The following CSMD1 variants were observed in gnomAD, a reference collection of about 807,000 sequenced individuals.
CSMD1 encodes the protein CUB and sushi domain-containing protein 1.
A neutral mutation model predicts 417.5 loss-of-function variants in CSMD1; 213 were observed. The ratio of observed to expected loss-of-function variants is 0.51; its 90% CI spans 0.46 to 0.57. CSMD1 has a LOEUF of 0.57. CSMD1 is among the 20% of genes least tolerant of loss of function. The probability of loss-of-function intolerance (pLI) is 0.00; values close to 1 mark genes in which losing one functional copy is unlikely to be tolerated. For missense variants in CSMD1, 6,923 were observed against 4,529.7 expected (o/e 1.53, Z -15.17); for synonymous variants, 2,862 against 1,736.8 (o/e 1.65, Z -16.11).
chr8:4,066,013 T>C (rs988453827), intron 3 of CSMD1, among the ~76,000 whole-genome samples: 2 of 152,082 alleles, frequency 1.3e-5, no homozygotes, highest in African/African-American at 4.8e-5. Context: ...TCCACGAATA[T>C]CCTTGGAGGA....
chr8:3,377,636 C>T (rs940852669), intron 18 of CSMD1, among the ~76,000 whole-genome samples: 4 of 152,146 alleles, frequency 2.6e-5, no homozygotes, highest in Non-Finnish European at 4.4e-5. Context: ...ACCTACTTTG[C>T]TAAACCTCCA....
chr8:3,863,321 C>T (rs1463807426), intron 5 of CSMD1, among the ~76,000 whole-genome samples: 2 of 149,546 alleles, frequency 1.3e-5, no homozygotes, highest in Admixed American at 1.4e-4. Flanking sequence ...CGCTTGAACC[C>T]AGGAGATGGT....
rs1554548370 is a variant in CSMD1, at chr8:3,425,602, A to AG, written c.1562-15998_1562-15997insC. The stretch of plus-strand genomic sequence containing the variant: ...GATTCGGTCTCAAAAAAAAAAAAAA[A>AG]AAGAAGAAAGAAAAAAGGAAAAAAA... On this transcript the variant is annotated intron_variant, in intron 12 of 69. Coordinates refer to ENST00000635120, the MANE Select transcript of CSMD1 (RefSeq NM_033225.6). Among the ~76,000 whole-genome samples, 14 of 150,880 alleles carry AG rather than the reference A, an allele frequency of 9.3e-5. No homozygotes were observed. In the East Asian group the frequency reaches 1.2e-3, roughly 13 times the overall value.
At chr8:3,950,650 G>C (rs545675245) in intron 5 of CSMD1, among the ~76,000 whole-genome samples, 9 of 152,258 alleles carry the variant, frequency 5.9e-5, no homozygotes, top group East Asian at 3.9e-4. Context: ...CTTCATGATG[G>C]TTAAAAAGTT....
At chr8:3,833,812 A>T (rs776437729) in intron 5 of CSMD1, among the ~76,000 whole-genome samples, 41 of 152,254 alleles carry the variant, frequency 2.7e-4, no homozygotes, top group Non-Finnish European at 7.4e-5. Flanking sequence ...ATTAAAGATA[A>T]AACAAAATGG....
chr8:4,332,427 G>C (rs1028409370), intron 3 of CSMD1, among the ~76,000 whole-genome samples: 57 of 152,038 alleles, frequency 3.7e-4, no homozygotes, highest in African/African-American at 1.2e-3. Context: ...AGGCACCTGT[G>C]AGTAAGCACT....
Position 3,308,451 on chromosome 8 carries a change from C to G in CSMD1, c.3684G>C (p.Arg1228Ser), listed in dbSNP as rs765426907. 1 of 1,613,728 alleles carries G rather than the reference C, an allele frequency of 6.2e-7. No individual in the cohort carries two copies. The highest frequency in any genetic ancestry group is 8.5e-7 in the Non-Finnish European group (1 of 1,179,786). Residue 1228 changes from arginine (R) to serine (S), a missense_variant, in exon 24 of 70, where the codon AGG becomes AGC. Physicochemically the swap from Arg to Ser is moderately radical, Grantham distance 110. Coordinates refer to ENST00000635120, the MANE Select transcript of CSMD1 (RefSeq NM_033225.6). ...CGGTAAAGTGGCCTTCATCACGGATCCTATAGCCGTAGTTAGGGATGCCCG... is the reference window on the plus strand; with the variant it reads ...CGGTAAAGTGGCCTTCATCACGGATGCTATAGCCGTAGTTAGGGATGCCCG... ...EDPGIPNYGYRIRDEGHFTDT... is the reference protein window; with the variant it reads ...EDPGIPNYGYSIRDEGHFTDT...
intron 2 of CSMD1, among the ~76,000 whole-genome samples, chr8:4,635,778 G>A (rs13261011): frequency 0.25 from 37,621 of 151,850 alleles, 5,456 homozygotes; most frequent in Admixed American, 0.46. Flanking sequence ...CATCAAATTA[G>A]CAAGTATTGT....
intron 3 of CSMD1, among the ~76,000 whole-genome samples, chr8:4,329,211 A>T (rs937634264): frequency 4.6e-5 from 7 of 152,212 alleles, no homozygotes; most frequent in Non-Finnish European, 8.8e-5. Flanking sequence ...TTCCAATACA[A>T]ATTATTTGGA....
At chr8:4,164,876 C>G (rs918693022) in intron 3 of CSMD1, among the ~76,000 whole-genome samples, 3 of 81,886 alleles carry the variant, frequency 3.7e-5, no homozygotes, top group African/African-American at 1.7e-4. Context: ...GACTCCATCT[C>G]AAAGAAAAAA....
intron 1 of CSMD1, among the ~76,000 whole-genome samples, chr8:4,650,127 C>T (rs968316083): frequency 6.6e-6 from 1 of 151,998 alleles, no homozygotes; most frequent in Non-Finnish European, 1.5e-5. Context: ...GGGCGGATCA[C>T]GAGGTCAGGA....
At position 4,701,337 on chromosome 8, in the gene CSMD1, G is replaced by C. The variant is rs916373616; in HGVS notation, c.86-63779C>G. Among the ~76,000 whole-genome samples the C allele has an allele frequency of 2.0e-5, 3 of 146,428 alleles. 1 individual carries two copies. Among genetic ancestry groups the C allele is most frequent in the South Asian group, 4.3e-4 (2 of 4,602 alleles). On this transcript the variant is annotated intron_variant, in intron 1 of 69. Transcript: ENST00000635120. ...TGATGCTTTTTTTTTTTTTAACTCTGCTTAAGAACTTACTACTCCTTTGTT... is the reference window on the plus strand; with the variant it reads ...TGATGCTTTTTTTTTTTTTAACTCTCCTTAAGAACTTACTACTCCTTTGTT...
intron 10 of CSMD1, among the ~76,000 whole-genome samples, chr8:3,543,572 G>A (rs1798533327): frequency 6.6e-6 from 1 of 151,886 alleles, no homozygotes; most frequent in Non-Finnish European, 1.5e-5. Flanking sequence ...GTCTGCTGAT[G>A]AATGTGGGGT....
intron 38 of CSMD1, among the ~76,000 whole-genome samples, chr8:3,160,117 A>T (rs150676846): frequency 6.6e-5 from 10 of 152,024 alleles, no homozygotes; most frequent in African/African-American, 2.4e-4. Context: ...TATGAAAGAC[A>T]ATTCTTTTCT....
chr8:4,963,353 C>T (rs1038758932), intron 1 of CSMD1, among the ~76,000 whole-genome samples: 1 of 152,094 alleles, frequency 6.6e-6, no homozygotes, highest in Non-Finnish European at 1.5e-5. Context: ...TCACACACCA[C>T]CCTGCCCAGC....
At chr8:3,955,118 C>A (rs1811853468) in intron 5 of CSMD1, among the ~76,000 whole-genome samples, 2 of 151,708 alleles carry the variant, frequency 1.3e-5, no homozygotes, top group South Asian at 2.1e-4. Flanking sequence ...CTCCTGCCCC[C>A]CTCATACCTA....
intron 5 of CSMD1, among the ~76,000 whole-genome samples, chr8:3,792,211 C>G (rs1054769523): frequency 6.6e-6 from 1 of 151,994 alleles, no homozygotes; most frequent in Admixed American, 6.6e-5. Context: ...GGAGATCGCT[C>G]AAGCCCAGGA....
At chr8:4,216,981 G>A (rs142703623) in intron 3 of CSMD1, among the ~76,000 whole-genome samples, 23 of 152,218 alleles carry the variant, frequency 1.5e-4, no homozygotes, top group Non-Finnish European at 3.1e-4. Flanking sequence ...AGGTCCCCAC[G>A]GTTAAGACTT....
chr8:3,492,285 G>A (rs540224464), intron 11 of CSMD1, among the ~76,000 whole-genome samples: 1 of 152,218 alleles, frequency 6.6e-6, no homozygotes, highest in Non-Finnish European at 1.5e-5. Flanking sequence ...AAGACATGAA[G>A]GAAATAAGGA....
Sources: gnomAD v4.1 joint callset for allele counts (sites outside exome capture counted in the v4.1 genomes callset) on GRCh38, gnomAD v4.1.1 for gene constraint, MANE v1.5 for transcripts, NCBI Gene and HGNC (gene_info 2026-07-23, HGNC 2026-07-21) for gene names.